OPCML: variants seen among roughly 807,000 people sequenced by gnomAD.
OPCML encodes the protein opioid-binding protein/cell adhesion molecule.
OPCML carries 13 observed loss-of-function variants against 37.8 expected under a neutral mutation model. The observed-to-expected ratio is 0.34, with a 90% CI of 0.22 to 0.55. The LOEUF (loss-of-function observed/expected upper bound fraction) is 0.55, where lower values mean the gene tolerates loss of function less well. Ranked by LOEUF, OPCML falls within the 20% of genes least tolerant of loss-of-function variation. OPCML has a pLI of 0.91. For missense variants in OPCML, 341 were observed against 435.6 expected, an observed-to-expected ratio of 0.78 and a Z score of 1.93; for synonymous variants, 176 against 168.8, an observed-to-expected ratio of 1.04 and a Z score of -0.33.
intron 1 of OPCML, among the ~76,000 whole-genome samples, chr11:133,512,672 C>A (rs77977771): frequency 0.066 from 10,035 of 152,194 alleles, 1,122 homozygotes; most frequent in African/African-American, 0.23. Context: ...AGGAGCCTAC[C>A]AAAGAGTTGC....
intron 4 of OPCML, among the ~76,000 whole-genome samples, chr11:132,453,989 G>A (rs549538001): frequency 6.6e-6 from 1 of 152,138 alleles, no homozygotes; most frequent in East Asian, 1.9e-4. Context: ...CAGTCATGTG[G>A]CAACTGCTAT....
chr11:132,539,566 G>A (rs1012058140), intron 3 of OPCML, among the ~76,000 whole-genome samples: 1 of 152,102 alleles, frequency 6.6e-6, no homozygotes, highest in African/African-American at 2.4e-5. Context: ...TGGTACTGAT[G>A]ATAAAGGTGG....
chr11:132,708,829 C>T (rs1475758109), intron 2 of OPCML, among the ~76,000 whole-genome samples: 2 of 152,118 alleles, frequency 1.3e-5, no homozygotes, highest in East Asian at 1.9e-4. Flanking sequence ...ATTATGGCTA[C>T]CAGTGTCACC....
chr11:133,259,241 G>A (rs1941417349), intron 1 of OPCML, among the ~76,000 whole-genome samples: 1 of 152,116 alleles, frequency 6.6e-6, no homozygotes, highest in South Asian at 2.1e-4. Flanking sequence ...CATAAGTTAG[G>A]ATGAGTTCTA....
intron 1 of OPCML, among the ~76,000 whole-genome samples, chr11:133,040,185 T>C (rs1451953419): frequency 1.3e-5 from 2 of 152,122 alleles, no homozygotes; most frequent in Admixed American, 6.6e-5. Flanking sequence ...ATGGCATTTT[T>C]AAACCACACT....
At chr11:133,025,379 A>G (rs1277143034) in intron 1 of OPCML, 1 of 985,118 alleles carries the variant, frequency 1.0e-6, no homozygotes, top group Non-Finnish European at 1.2e-6. Flanking sequence ...TAATGGCTTG[A>G]AACCAGTACT....
At chr11:132,891,101 A>G (rs552604585) in intron 2 of OPCML, among the ~76,000 whole-genome samples, 1 of 152,336 alleles carries the variant, frequency 6.6e-6, no homozygotes, top group Non-Finnish European at 1.5e-5. Flanking sequence ...TATGTAATTT[A>G]GAACTTTTTT....
intron 2 of OPCML, among the ~76,000 whole-genome samples, chr11:132,714,926 A>G (rs1944412298): frequency 2.0e-5 from 3 of 152,318 alleles, no homozygotes; most frequent in South Asian, 4.1e-4. Context: ...AGCAGAAAAC[A>G]GTTCACAGTG....
intron 2 of OPCML, among the ~76,000 whole-genome samples, chr11:132,833,779 C>A (rs1241045435): frequency 1.3e-5 from 2 of 152,194 alleles, no homozygotes; most frequent in Non-Finnish European, 2.9e-5. Flanking sequence ...ATGGGACCAC[C>A]ATTGTATATA....
At chr11:133,414,718 C>T (rs543409304) in intron 1 of OPCML, among the ~76,000 whole-genome samples, 3 of 152,244 alleles carry the variant, frequency 2.0e-5, no homozygotes, top group South Asian at 2.1e-4. Flanking sequence ...ACAAATCCCC[C>T]GTTCCCAGCT....
chr11:132,935,883 G>A (rs549888919), intron 2 of OPCML, among the ~76,000 whole-genome samples: 8 of 152,244 alleles, frequency 5.3e-5, no homozygotes, highest in African/African-American at 1.4e-4. Flanking sequence ...AGAAGTGACC[G>A]GCTCACGTTG....
At chr11:132,661,752 C>T (rs1218006812) in intron 2 of OPCML, among the ~76,000 whole-genome samples, 1 of 152,184 alleles carries the variant, frequency 6.6e-6, no homozygotes, top group Non-Finnish European at 1.5e-5. Flanking sequence ...TCACAAGTAA[C>T]CTCTAAAATT....
intron 1 of OPCML, chr11:133,066,120 C>T (rs767903164): frequency 6.5e-6 from 1 of 152,948 alleles, no homozygotes; most frequent in Non-Finnish European, 1.5e-5. Context: ...AGCACCCTGC[C>T]CGCCTCTGCC....
At chr11:132,437,612 C>G (rs2136748643) in intron 4 of OPCML, 1 of 312,622 alleles carries the variant, frequency 3.2e-6, no homozygotes, top group South Asian at 1.3e-4. Context: ...TTGGTAAGAA[C>G]ATGTCATTAT....
chr11:132,454,408 G>A (rs911046713), intron 4 of OPCML, among the ~76,000 whole-genome samples: 1 of 152,196 alleles, frequency 6.6e-6, no homozygotes, highest in Non-Finnish European at 1.5e-5. Context: ...GATGCTCAGT[G>A]AGCCAGAGCC....
chr11:132,563,878 G>A (rs958998753), intron 3 of OPCML, among the ~76,000 whole-genome samples: 2 of 152,086 alleles, frequency 1.3e-5, no homozygotes, highest in Non-Finnish European at 2.9e-5. Flanking sequence ...GGAGGTGGAG[G>A]AGATGTTGCA....
chr11:133,024,440 A>G (rs931806124), intron 1 of OPCML: 15 of 984,580 alleles, frequency 1.5e-5, no homozygotes, highest in Non-Finnish European at 1.6e-5. Flanking sequence ...AAGCACACAC[A>G]GGAAGAAGAG....
chr11:133,377,522 C>T (rs1429657913), intron 1 of OPCML, among the ~76,000 whole-genome samples: 4 of 148,132 alleles, frequency 2.7e-5, no homozygotes, highest in Non-Finnish European at 5.9e-5. Context: ...TGGCACAGGC[C>T]CCAGCAGCTG....
chr11:132,417,817 G>A lies in OPCML; in HGVS notation c.*2376C>T, dbSNP rs1339510420. The A allele has an allele frequency of 1.3e-5, 2 of 152,146 alleles. No homozygotes were observed. Among genetic ancestry groups the A allele is most frequent in the African/African-American group, 2.4e-5 (1 of 41,434 alleles). 9.4% of individuals were successfully genotyped at this position (152,146 alleles called of 1,614,324 possible). ...TGACAGATCTGAAACGTCTATGTGCGACCTTTAATTCTGATTTTGCGCCTG... is the reference window on the plus strand; with the variant it reads ...TGACAGATCTGAAACGTCTATGTGCAACCTTTAATTCTGATTTTGCGCCTG... On this transcript the variant is annotated 3_prime_UTR_variant, in exon 8 of 8. Transcript: ENST00000524381.
Sources: allele counts gnomAD v4.1 joint callset (sites outside exome capture counted in the v4.1 genomes callset), GRCh38; gene constraint gnomAD v4.1.1; transcripts MANE v1.5; gene names NCBI Gene and HGNC (gene_info 2026-07-23, HGNC 2026-07-21).